DYNC2I2: variants seen among roughly 807,000 people sequenced by gnomAD.
The protein encoded by DYNC2I2 is cytoplasmic dynein 2 intermediate chain 2.
A neutral mutation model predicts 52.0 loss-of-function variants in DYNC2I2; 39 were observed. That is an observed-to-expected ratio of 0.75 (90% confidence interval 0.58 to 0.98). The LOEUF is 0.98. Ranked by LOEUF, DYNC2I2 falls within the 50% of genes least tolerant of loss-of-function variation. DYNC2I2 has a pLI of 0.00. For synonymous variants in DYNC2I2, 359 were observed against 321.1 expected, an observed-to-expected ratio of 1.12 and a Z score of -1.26; for missense variants, 743 against 728.4, an observed-to-expected ratio of 1.02 and a Z score of -0.23.
the DYNC2I2 span, among the ~76,000 whole-genome samples, chr9:128,677,577 C>T: frequency 1.3e-5 from 2 of 151,742 alleles, no homozygotes; most frequent in Non-Finnish European, 2.9e-5. Context: ...GTGGGTGGAT[C>T]ACCTGAGGTC....
Position 128,634,350 on chromosome 9 carries a change from A to G in DYNC2I2, c.1248T>C (p.His416=), listed in dbSNP as rs367650035. The change falls in exon 8 of 9, where the codon CAT becomes CAC. Residue 416 remains histidine (H), a synonymous_variant. Transcript: ENST00000372715. ...NLFLSAGTDG[H]VHLYSMLQAP... The stretch of plus-strand genomic sequence containing the variant: ...CCTGCAGCATGGAGTACAGGTGGAC[A>G]TGCCCGTCAGTCCCAGCGCTCAGGA... The G allele has an allele frequency of 1.9e-6, 3 of 1,604,890 alleles. No individual in the cohort carries two copies. The African/African-American group carries it at 4.0e-5, about 22-fold the overall frequency.
chr9:128,682,941 G>A, the DYNC2I2 span, among the ~76,000 whole-genome samples: 1 of 150,638 alleles, frequency 6.6e-6, no homozygotes, highest in East Asian at 2.0e-4. Flanking sequence ...CTCCCAAAGT[G>A]CTGGGATTAC....
chr9:128,634,545 G>C, intron 7 of DYNC2I2, 144 bp downstream of exon 7: 1 of 1,277,368 alleles, frequency 7.8e-7, no homozygotes, highest in Non-Finnish European at 1.1e-6. Flanking sequence ...CGATGCCTGG[G>C]CCAACCACCA....
Position 128,634,237 on chromosome 9 carries a change from G to C in DYNC2I2, c.1361C>G (p.Ala454Gly), listed in dbSNP as rs574692147. The C allele has an allele frequency of 9.9e-6, 16 of 1,613,754 alleles. No individual in the cohort carries two copies. In the African/African-American group the frequency reaches 1.9e-4, roughly 19 times the overall value. Residue 454 changes from alanine (A) to glycine (G), a missense_variant, in exon 8 of 9, where the codon GCC (alanine) becomes GGC (glycine). By Grantham distance (60) the Ala-to-Gly change is moderately conservative. Transcript: ENST00000372715. ...CGGCCCCTTCCTACCTTTCCCAGAG[G>C]CAGCTGCAAAAACCAAGGGCCGCAC... ...SPVRPLVFAA[A>G]SGKGDVQLFD...
chr9:128,648,897 C>T (rs76328416), intron 1 of DYNC2I2, among the ~76,000 whole-genome samples: 1 of 151,860 alleles, frequency 6.6e-6, no homozygotes, highest in East Asian at 1.9e-4. Context: ...GCAGCTAGGT[C>T]AATTCTGAGG....
At chr9:128,638,212 C>A (rs1245519241) in intron 2 of DYNC2I2, among the ~76,000 whole-genome samples, 3 of 147,948 alleles carry the variant, frequency 2.0e-5, no homozygotes, top group African/African-American at 7.6e-5. Context: ...CAGAGCAAGA[C>A]CCTGTCTCAA....
chr9:128,653,175 G>A (rs1385998370), intron 1 of DYNC2I2, among the ~76,000 whole-genome samples: 3 of 151,092 alleles, frequency 2.0e-5, no homozygotes, highest in Non-Finnish European at 2.9e-5. Context: ...GTTGCAGTGA[G>A]CTGAGATCAC....
At chr9:128,660,485 T>G (rs891245136), upstream of DYNC2I2, among the ~76,000 whole-genome samples, 62 of 151,948 alleles carry the variant, frequency 4.1e-4, no homozygotes, top group African/African-American at 1.4e-3. Context: ...CTTGGCTCAC[T>G]GCAACTGCTG....
chr9:128,644,967 C>T (rs1384678206), intron 1 of DYNC2I2, among the ~76,000 whole-genome samples: 1 of 152,172 alleles, frequency 6.6e-6, no homozygotes, highest in Non-Finnish European at 1.5e-5. Context: ...ATAAATGTTG[C>T]GTGTGATTTG....
At chr9:128,654,543 G>C (rs1229588021) in intron 1 of DYNC2I2, among the ~76,000 whole-genome samples, 1 of 151,410 alleles carries the variant, frequency 6.6e-6, no homozygotes, top group African/African-American at 2.4e-5. Flanking sequence ...ATTTGCCCTA[G>C]GGCCTTTGCA....
At chr9:128,647,968 G>C (rs918136496) in intron 1 of DYNC2I2, among the ~76,000 whole-genome samples, 1 of 152,166 alleles carries the variant, frequency 6.6e-6, no homozygotes. Context: ...CAGCACTCCT[G>C]CCTCTCAGAG....
the DYNC2I2 span, among the ~76,000 whole-genome samples, chr9:128,665,464 T>C: frequency 6.6e-6 from 1 of 152,036 alleles, no homozygotes; most frequent in Non-Finnish European, 1.5e-5. Flanking sequence ...AATCAACACG[T>C]ATTGAATAAA....
chr9:128,636,519 C>A lies in DYNC2I2; in HGVS notation c.546-81G>T, dbSNP rs911308832. 2.0e-6 allele frequency: 3 copies of A among 1,468,626 alleles called. No individual in the cohort carries two copies. The African/African-American group carries it at 4.2e-5, about 21-fold the overall frequency. The allele number at this position is 1,468,626 out of a possible 1,614,324, so 91.0% of individuals were successfully genotyped here. On this transcript the variant is annotated intron_variant, in intron 3 of 8. Transcript: ENST00000372715. ...ACCCCACCTCTCTCCCCACTAGCCC[C>A]GGACACACTCGCTGTGTCCTTGTCA...
upstream of DYNC2I2, among the ~76,000 whole-genome samples, chr9:128,659,511 A>AC (rs1491551975): frequency 2.0e-5 from 3 of 147,762 alleles, no homozygotes; most frequent in African/African-American, 7.5e-5. Flanking sequence ...AAAAAAAAAA[A>AC]CACACACACA....
the DYNC2I2 span, chr9:128,683,690 G>A: frequency 2.1e-6 from 1 of 472,718 alleles, no homozygotes; most frequent in South Asian, 2.9e-5. Flanking sequence ...GCAACTAAAA[G>A]AAATTTCTCC....
chr9:128,681,031 G>A, the DYNC2I2 span, among the ~76,000 whole-genome samples: 1 of 152,248 alleles, frequency 6.6e-6, no homozygotes, highest in South Asian at 2.1e-4. Context: ...TTGTGTCTTT[G>A]TCTTTCACTC....
Position 128,634,141 on chromosome 9 carries a change from T to C in DYNC2I2, c.1372+85A>G, listed in dbSNP as rs933355497. 1.7e-5 allele frequency: 27 copies of C among 1,587,754 alleles called. No individual in the cohort carries two copies. The Middle Eastern group carries it at 7.5e-4, about 44-fold the overall frequency. Reference sequence around the variant, plus strand: ...CCGTCCTTACCCCCATGTGTGGTCTTTTCCCCAACCCAGAACCCCAGGTAC... The same window carrying C: ...CCGTCCTTACCCCCATGTGTGGTCTCTTCCCCAACCCAGAACCCCAGGTAC... On this transcript the variant is annotated intron_variant, in intron 8 of 8. Transcript: ENST00000372715.
At chr9:128,672,989 A>G in the DYNC2I2 span, among the ~76,000 whole-genome samples, 2 of 152,132 alleles carry the variant, frequency 1.3e-5, no homozygotes, top group East Asian at 3.8e-4. Context: ...GGGCCACTGC[A>G]CTCCAGCCTG....
In DYNC2I2 at chr9:128,640,826, C is replaced by CGGG; in HGVS notation, c.297_299dup (p.Pro100dup). 3.1e-6 allele frequency: 5 copies of CGGG among 1,613,994 alleles called. No homozygotes were observed. The highest frequency in any genetic ancestry group is 3.4e-6 in the Non-Finnish European group (4 of 1,179,964). ...CGAGCCTGGGTATGTCATACTGGGACGGGGGCTGCACGCTGACAGGCACGG... is the reference window on the plus strand; with the variant it reads ...CGAGCCTGGGTATGTCATACTGGGACGGGGGGGGCTGCACGCTGACAGGCACGG... On this transcript the variant is annotated inframe_insertion, in exon 2 of 9. Transcript: ENST00000372715.
Sources: gnomAD v4.1 joint callset for allele counts (sites outside exome capture counted in the v4.1 genomes callset) on GRCh38, gnomAD v4.1.1 for gene constraint, MANE v1.5 for transcripts, NCBI Gene and HGNC (gene_info 2026-07-23, HGNC 2026-07-21) for gene names.